CAST: variants seen among roughly 807,000 people sequenced by gnomAD.
CAST encodes calpastatin, also known as MIR583 host.
Under a neutral mutation model 119.6 loss-of-function variants are expected in CAST, and 76 were observed. The ratio of observed to expected loss-of-function variants is 0.64; its 90% CI spans 0.53 to 0.77. The LOEUF (loss-of-function observed/expected upper bound fraction) is 0.77. Ranked by LOEUF, CAST falls within the 30% of genes least tolerant of loss-of-function variation. The pLI, the probability that CAST is intolerant of heterozygous loss-of-function variation, is 0.00. For missense variants in CAST, 953 were observed against 946.5 expected, an observed-to-expected ratio of 1.01 and a Z score of -0.09; for synonymous variants, 319 against 331.6, an observed-to-expected ratio of 0.96 and a Z score of 0.41.
the CAST span, among the ~76,000 whole-genome samples, chr5:96,169,690 A>G: frequency 1.3e-5 from 2 of 152,098 alleles, no homozygotes; most frequent in African/African-American, 4.8e-5. Flanking sequence ...GGGGTGCATG[A>G]TCGGTCACCA....
At chr5:96,553,393 T>G (rs1446641669) in intron 1 of CAST, among the ~76,000 whole-genome samples, 3 of 152,290 alleles carry the variant, frequency 2.0e-5, no homozygotes, top group Admixed American at 2.0e-4. Flanking sequence ...ATAAACTAGT[T>G]ATTGATGGAA....
At chr5:96,391,769 C>A in the CAST span, 2 of 152,132 alleles carry the variant, frequency 1.3e-5, no homozygotes. Context: ...AAGATGGGTC[C>A]GAGAATGAGG....
intron 25 of CAST, among the ~76,000 whole-genome samples, chr5:96,764,932 C>T (rs1489850919): frequency 6.6e-6 from 1 of 152,108 alleles, no homozygotes; most frequent in African/African-American, 2.4e-5. Context: ...CTGAGGCTGC[C>T]ACTAAGACCT....
the CAST span, chr5:96,408,436 T>G: frequency 1.3e-6 from 1 of 744,750 alleles, no homozygotes; most frequent in Non-Finnish European, 2.4e-6. Flanking sequence ...GAAACTCAGC[T>G]GATTCGATTG....
the CAST span, among the ~76,000 whole-genome samples, chr5:96,258,279 G>T: frequency 6.6e-6 from 1 of 152,058 alleles, no homozygotes; most frequent in Admixed American, 6.5e-5. Context: ...TTGGTCTGTT[G>T]CTCACTGTTT....
At chr5:96,636,720 A>T (rs573668616) in intron 1 of CAST, among the ~76,000 whole-genome samples, 4 of 152,336 alleles carry the variant, frequency 2.6e-5, no homozygotes, top group Non-Finnish European at 5.9e-5. Flanking sequence ...TCAAATGTAC[A>T]TTCAGAAGGA....
In CAST at chr5:96,638,538, C is replaced by T. The variant is rs1400415622; in HGVS notation, c.61-37001C>T. The stretch of plus-strand genomic sequence containing the variant: ...TCTTCTGGGGATCCTCTAGACCTCC[C>T]CCAAACACCTTGGTGTTTTTTGTGC... On this transcript the variant is annotated intron_variant, in intron 1 of 11. Transcript: ENST00000505143. Among the ~76,000 whole-genome samples, 3 of 152,340 alleles carry T rather than the reference C, an allele frequency of 2.0e-5. No individual in the cohort carries two copies. In the East Asian group the frequency reaches 5.8e-4, roughly 29 times the overall value.
At chr5:96,494,217 T>C in the CAST span, among the ~76,000 whole-genome samples, 1 of 152,150 alleles carries the variant, frequency 6.6e-6, no homozygotes, top group Non-Finnish European at 1.5e-5. Flanking sequence ...ATGAACTACC[T>C]TGTAGCAATG....
chr5:96,345,519 G>A, the CAST span, among the ~76,000 whole-genome samples: 10 of 152,120 alleles, frequency 6.6e-5, no homozygotes, highest in Admixed American at 1.3e-4. Flanking sequence ...GCATGCTACA[G>A]TATCTCTTAA....
upstream of CAST, among the ~76,000 whole-genome samples, chr5:96,528,867 T>C (rs1745640859): frequency 6.6e-6 from 1 of 152,220 alleles, no homozygotes; most frequent in African/African-American, 2.4e-5. Flanking sequence ...CTGCCTGTCA[T>C]TTCTCAAGTC....
the CAST span, among the ~76,000 whole-genome samples, chr5:96,062,872 G>T: frequency 1.3e-5 from 2 of 152,086 alleles, no homozygotes; most frequent in Non-Finnish European, 2.9e-5. Context: ...AAGTTAAGCT[G>T]CCTTGACCAG....
At chr5:96,044,450 G>T in the CAST span, among the ~76,000 whole-genome samples, 1 of 152,170 alleles carries the variant, frequency 6.6e-6, no homozygotes, top group Non-Finnish European at 1.5e-5. Context: ...CCAGTGTCTT[G>T]ATTTTGGACT....
chr5:96,665,601 G>T lies in CAST; in HGVS notation c.75+3104G>T, dbSNP rs532861463. ...GAGAATCAAATGGGATTTATGGACTGCTTTCCCACAACAAAATACATACAA... is the reference window on the plus strand; with the variant it reads ...GAGAATCAAATGGGATTTATGGACTTCTTTCCCACAACAAAATACATACAA... On this transcript the variant is annotated intron_variant, in intron 1 of 31. Transcript: ENST00000675179. Among the ~76,000 whole-genome samples the T allele has an allele frequency of 2.4e-4, 37 of 152,174 alleles. No homozygotes were observed. In the South Asian group the frequency reaches 6.4e-3, roughly 26 times the overall value.
At chr5:96,319,547 T>G in the CAST span, among the ~76,000 whole-genome samples, 2 of 152,192 alleles carry the variant, frequency 1.3e-5, no homozygotes, top group African/African-American at 4.8e-5. Flanking sequence ...ATCAATGAAA[T>G]GTGAATAGTA....
At chr5:96,286,212 A>G in the CAST span, among the ~76,000 whole-genome samples, 1 of 152,350 alleles carries the variant, frequency 6.6e-6, no homozygotes, top group East Asian at 1.9e-4. Context: ...GGCCATTTTC[A>G]AATGAAATTC....
chr5:96,552,037 C>T (rs758330178), intron 1 of CAST, among the ~76,000 whole-genome samples: 48 of 152,058 alleles, frequency 3.2e-4, no homozygotes, highest in Non-Finnish European at 3.8e-4. Flanking sequence ...GGGATATCCA[C>T]GACTTGAACT....
At chr5:96,555,259 G>C (rs1746214145) in intron 1 of CAST, among the ~76,000 whole-genome samples, 1 of 152,184 alleles carries the variant, frequency 6.6e-6, no homozygotes, top group South Asian at 2.1e-4. Context: ...AGCCAAGATG[G>C]CTGAATAGGA....
chr5:96,043,575 C>G, the CAST span, among the ~76,000 whole-genome samples: 1 of 152,130 alleles, frequency 6.6e-6, no homozygotes. Flanking sequence ...TAACTGCCTC[C>G]CTGGTCACAA....
the CAST span, among the ~76,000 whole-genome samples, chr5:96,196,730 C>T: frequency 9.9e-5 from 15 of 152,276 alleles, no homozygotes; most frequent in East Asian, 1.2e-3. Context: ...GGCCAGATAA[C>T]GCAGGGTCCT....
Sources: allele counts gnomAD v4.1 joint callset (sites outside exome capture counted in the v4.1 genomes callset), GRCh38; gene constraint gnomAD v4.1.1; transcripts MANE v1.5; gene names NCBI Gene and HGNC (gene_info 2026-07-23, HGNC 2026-07-21).